MIPEP: variants seen among roughly 807,000 people sequenced by gnomAD.
The protein encoded by MIPEP is mitochondrial intermediate peptidase.
Under a neutral mutation model 90.3 loss-of-function variants are expected in MIPEP, and 79 were observed. The ratio of observed to expected loss-of-function variants is 0.87; its 90% confidence interval spans 0.73 to 1.05. The LOEUF is 1.05. MIPEP is among the 50% of genes least tolerant of loss of function. The pLI is 0.00. For missense variants in MIPEP, 940 were observed against 905.6 expected (o/e 1.04, Z -0.49); for synonymous variants, 334 against 315.8 (o/e 1.06, Z -0.61).
intron 18 of MIPEP, 25 bp downstream of exon 18, chr13:23,756,520 T>C (rs375179033): frequency 9.3e-6 from 15 of 1,606,066 alleles, no homozygotes; most frequent in East Asian, 2.2e-5. Flanking sequence ...TCATTATAGA[T>C]GGTGCCATTT....
At chr13:23,823,864 A>T (rs887525496) in intron 14 of MIPEP, among the ~76,000 whole-genome samples, 1 of 152,130 alleles carries the variant, frequency 6.6e-6, no homozygotes, top group Non-Finnish European at 1.5e-5. Flanking sequence ...TGGACAATAG[A>T]TCATATTGTC....
intron 10 of MIPEP, among the ~76,000 whole-genome samples, chr13:23,841,895 A>G (rs1432753214): frequency 6.6e-6 from 1 of 152,190 alleles, no homozygotes; most frequent in Non-Finnish European, 1.5e-5. Flanking sequence ...CTATATACAT[A>G]AATATTAAAT....
At chr13:23,767,201 A>AC (rs1952599943) in intron 16 of MIPEP, among the ~76,000 whole-genome samples, 1 of 152,006 alleles carries the variant, frequency 6.6e-6, no homozygotes, top group African/African-American at 2.4e-5. Flanking sequence ...GCCTTGTGTG[A>AC]CCCCCAGGCA....
At chr13:23,742,344 T>C (rs1277137455) in intron 18 of MIPEP, among the ~76,000 whole-genome samples, 1 of 152,158 alleles carries the variant, frequency 6.6e-6, no homozygotes, top group Non-Finnish European at 1.5e-5. Flanking sequence ...TTACCCTGGG[T>C]TAAACAACTG....
intron 15 of MIPEP, 45 bp from the exon 16 acceptor site, chr13:23,806,114 A>C: frequency 2.5e-6 from 4 of 1,609,086 alleles, no homozygotes; most frequent in Non-Finnish European, 3.4e-6. Flanking sequence ...GTCCATCCTC[A>C]CATCAAGATG....
chr13:23,838,890 T>C (rs1187317981), intron 12 of MIPEP, among the ~76,000 whole-genome samples: 1 of 152,262 alleles, frequency 6.6e-6, no homozygotes, highest in Non-Finnish European at 1.5e-5. Context: ...CTAAAATGCT[T>C]CCTTGTCAAA....
chr13:23,868,253 G>A (rs1441730585), intron 7 of MIPEP, among the ~76,000 whole-genome samples: 3 of 152,098 alleles, frequency 2.0e-5, no homozygotes, highest in Admixed American at 2.0e-4. Context: ...GGCAGACCAG[G>A]AAGAAAAGCT....
At chr13:23,887,721 C>T (rs572976686) in intron 1 of MIPEP, among the ~76,000 whole-genome samples, 28 of 152,152 alleles carry the variant, frequency 1.8e-4, no homozygotes, top group Non-Finnish European at 3.8e-4. Context: ...AGGTGCTTAA[C>T]GCATAGATTT....
At chr13:23,887,389 G>C (rs1433854439) in intron 1 of MIPEP, among the ~76,000 whole-genome samples, 1 of 152,154 alleles carries the variant, frequency 6.6e-6, no homozygotes, top group African/African-American at 2.4e-5. Flanking sequence ...CAATCCTACA[G>C]AACAGAGTAT....
At chr13:23,858,127 T>A (rs541492531) in intron 10 of MIPEP, among the ~76,000 whole-genome samples, 33 of 152,260 alleles carry the variant, frequency 2.2e-4, no homozygotes, top group South Asian at 1.5e-3. Context: ...GATTTTTTTT[T>A]AAAAATTCCT....
chr13:23,750,415 A>G (rs1355771454), intron 18 of MIPEP, among the ~76,000 whole-genome samples: 1 of 152,180 alleles, frequency 6.6e-6, no homozygotes, highest in Non-Finnish European at 1.5e-5. Context: ...AATGACCTTG[A>G]CAGTTTTGAG....
intron 16 of MIPEP, among the ~76,000 whole-genome samples, chr13:23,768,692 ACCACTGTACT>A (rs961560928): frequency 2.0e-5 from 3 of 152,168 alleles, no homozygotes; most frequent in Admixed American, 2.0e-4. Flanking sequence ...CTGAGATCAC[ACCACTGTACT>A]CCAGCCTGGG....
At chr13:23,872,715 A>C (rs1870874798) in intron 5 of MIPEP, among the ~76,000 whole-genome samples, 1 of 152,256 alleles carries the variant, frequency 6.6e-6, no homozygotes, top group South Asian at 2.1e-4. Flanking sequence ...CCGGGGAAAG[A>C]GGAGCTACAC....
intron 16 of MIPEP, among the ~76,000 whole-genome samples, chr13:23,795,827 CA>C (rs56358765): frequency 6.0e-4 from 80 of 133,560 alleles, no homozygotes; most frequent in Middle Eastern, 7.7e-3. Flanking sequence ...TCATCTCTAC[CA>C]AAAAAAAAAA....
chr13:23,879,373 T>A lies in MIPEP; in HGVS notation c.453-19A>T. 1 of 1,317,128 alleles carries A rather than the reference T, an allele frequency of 7.6e-7. No individual in the cohort carries two copies. The highest frequency in any genetic ancestry group is 1.1e-6 in the Non-Finnish European group (1 of 920,638). 81.6% of individuals were successfully genotyped at this position (1,317,128 alleles called of 1,614,324 possible). A position where few individuals can be genotyped will look rare whatever the true frequency, so the allele number is the denominator to read the frequency against. On this transcript the variant is annotated intron_variant, in intron 3 of 18. Transcript: ENST00000382172. ...GTTCAACCTAGAAAAAATAGAAATT[T>A]AAAAAATTAGATGATTTTCTAATAC...
chr13:23,879,434 G>T, intron 3 of MIPEP, 80 bp from the exon 4 acceptor site: 1 of 754,860 alleles, frequency 1.3e-6, no homozygotes. Flanking sequence ...AATGGTGTCA[G>T]CTTGTACCAC....
chr13:23,765,402 A>C (rs974972453), intron 16 of MIPEP, among the ~76,000 whole-genome samples: 1 of 152,226 alleles, frequency 6.6e-6, no homozygotes, highest in African/African-American at 2.4e-5. Context: ...ATTACAGTAC[A>C]TAAGTTGTCC....
intron 16 of MIPEP, among the ~76,000 whole-genome samples, chr13:23,784,275 G>A (rs1180104872): frequency 6.6e-6 from 1 of 152,120 alleles, no homozygotes; most frequent in African/African-American, 2.4e-5. Context: ...GCATGGTACT[G>A]GTACCAAAAC....
At chr13:23,819,769 G>C (rs955174051) in intron 14 of MIPEP, among the ~76,000 whole-genome samples, 1 of 152,026 alleles carries the variant, frequency 6.6e-6, no homozygotes, top group South Asian at 2.1e-4. Flanking sequence ...AGCACTTTGG[G>C]AGGCCAAGGC....
Sources: allele counts gnomAD v4.1 joint callset (sites outside exome capture counted in the v4.1 genomes callset), GRCh38; gene constraint gnomAD v4.1.1; transcripts MANE v1.5; gene names NCBI Gene and HGNC (gene_info 2026-07-23, HGNC 2026-07-21).